The following MAP3K5 variants were observed in gnomAD, a reference collection of about 807,000 sequenced individuals.
MAP3K5 encodes the protein ASK-1.
Under a neutral mutation model 158.7 loss-of-function variants are expected in MAP3K5, and 56 were observed. The observed-to-expected ratio is 0.35, with a 90% confidence interval of 0.28 to 0.44. The LOEUF (loss-of-function observed/expected upper bound fraction) is 0.44, where lower values mean the gene tolerates loss of function less well. Among genes scored for constraint, MAP3K5 ranks in the 20% least tolerant of loss-of-function variants. The probability of loss-of-function intolerance (pLI) is 1.00; values close to 1 mark genes in which losing one functional copy is unlikely to be tolerated. For missense variants in MAP3K5, 1,294 were observed against 1,674.8 expected, an observed-to-expected ratio of 0.77 and a Z score of 3.97; for synonymous variants, 579 against 601.7, an observed-to-expected ratio of 0.96 and a Z score of 0.55.
At chr6:136,634,416 C>A (rs1433644142) in intron 14 of MAP3K5, among the ~76,000 whole-genome samples, 2 of 152,014 alleles carry the variant, frequency 1.3e-5, no homozygotes, top group Non-Finnish European at 2.9e-5. Flanking sequence ...CTAGCTGGCA[C>A]AATGGCAAAC....
chr6:136,737,035 G>GTATATATATATATATATATATATATA (rs1452375249), intron 1 of MAP3K5, among the ~76,000 whole-genome samples: 20 of 118,718 alleles, frequency 1.7e-4, no homozygotes, highest in African/African-American at 6.9e-4. Context: ...ATATATGTGT[G>GTATATATATATATATATATATATATA]TGTATATATA....
At chr6:136,738,497 G>C (rs1562660582) in intron 1 of MAP3K5, among the ~76,000 whole-genome samples, 1 of 152,204 alleles carries the variant, frequency 6.6e-6, no homozygotes, top group South Asian at 2.1e-4. Context: ...TGTGGAAAAG[G>C]CTTCTGAATA....
chr6:136,588,402 G>C (rs1775232095), intron 23 of MAP3K5, among the ~76,000 whole-genome samples: 1 of 152,182 alleles, frequency 6.6e-6, no homozygotes, highest in Admixed American at 6.5e-5. Flanking sequence ...TATTGGTATA[G>C]TATTACTGTC....
At chr6:136,726,414 G>T (rs539350861) in intron 1 of MAP3K5, among the ~76,000 whole-genome samples, 13 of 152,294 alleles carry the variant, frequency 8.5e-5, no homozygotes, top group African/African-American at 3.1e-4. Context: ...CCAACATGGT[G>T]AAACCCTGTC....
chr6:136,586,869 C>G (rs912669234), intron 23 of MAP3K5, among the ~76,000 whole-genome samples: 5 of 152,180 alleles, frequency 3.3e-5, no homozygotes, highest in African/African-American at 1.2e-4. Flanking sequence ...CTACATCTTT[C>G]TCTTGTGCTA....
At chr6:136,594,300 A>AT (rs1447458155) in intron 21 of MAP3K5, among the ~76,000 whole-genome samples, 1 of 152,146 alleles carries the variant, frequency 6.6e-6, no homozygotes, top group Non-Finnish European at 1.5e-5. Context: ...GGTAATAGTA[A>AT]GGTTGTCTGA....
intron 1 of MAP3K5, among the ~76,000 whole-genome samples, chr6:136,772,735 T>A (rs1784258593): frequency 6.6e-6 from 1 of 152,220 alleles, no homozygotes; most frequent in African/African-American, 2.4e-5. Context: ...ATCTCATTTT[T>A]AAAAATGAAT....
At chr6:136,792,488 G>C, upstream of MAP3K5, 1 of 658,396 alleles carries the variant, frequency 1.5e-6, no homozygotes, top group Non-Finnish European at 1.9e-6. The surrounding 1 kb of genome is among the most constrained non-coding windows in gnomAD (Gnocchi z 5.7). Context: ...GCAAACCTGC[G>C]CCGCGGTGCA....
At chr6:136,650,582 A>G (rs991089903) in intron 11 of MAP3K5, among the ~76,000 whole-genome samples, 1 of 152,216 alleles carries the variant, frequency 6.6e-6, no homozygotes. Context: ...TGATAACTAT[A>G]ATGGTACCAG....
chr6:136,719,188 A>C (rs763705091), intron 2 of MAP3K5, among the ~76,000 whole-genome samples: 20 of 152,180 alleles, frequency 1.3e-4, no homozygotes, highest in South Asian at 4.1e-4. Context: ...TAAATAAATA[A>C]ATACATACAT....
At chr6:136,726,997 G>T (rs747846823) in intron 1 of MAP3K5, among the ~76,000 whole-genome samples, 2 of 151,796 alleles carry the variant, frequency 1.3e-5, no homozygotes, top group South Asian at 2.1e-4. Context: ...TGTTATACTC[G>T]CTAGGACTTC....
Position 136,574,683 on chromosome 6 carries a change from C to CTTTT in MAP3K5, c.3517+5614_3517+5617dup, listed in dbSNP as rs1223054758. 6.3e-3 allele frequency among the ~76,000 whole-genome samples: 683 copies of CTTTT among 108,518 alleles called. 13 individuals carry two copies. Among genetic ancestry groups the CTTTT allele is most frequent in the African/African-American group, 9.5e-3 (258 of 27,064 alleles). The allele number at this position is 108,518 out of a possible 152,430, so 71.2% of individuals were successfully genotyped here. A position where few individuals can be genotyped will look rare whatever the true frequency, so the allele number is the denominator to read the frequency against. On this transcript the variant is annotated intron_variant, in intron 25 of 29. Coordinates refer to ENST00000359015, the MANE Select transcript of MAP3K5 (RefSeq NM_005923.4). ...CTCCTTTTGGAAAAAAGATTAAACACTTTTTTTTTTTTTTTTTTTTTTTGA... is the reference window on the plus strand; with the variant it reads ...CTCCTTTTGGAAAAAAGATTAAACACTTTTTTTTTTTTTTTTTTTTTTTTTTTGA...
At chr6:136,722,674 CTTTTTTT>C (rs372343492) in intron 1 of MAP3K5, among the ~76,000 whole-genome samples, 1 of 115,564 alleles carries the variant, frequency 8.7e-6, no homozygotes, top group Non-Finnish European at 1.7e-5. Flanking sequence ...TTTTTTTTTC[CTTTTTTT>C]TTTTTTTTTT....
intron 15 of MAP3K5, among the ~76,000 whole-genome samples, chr6:136,616,856 G>C (rs1776588290): frequency 6.6e-6 from 1 of 151,878 alleles, no homozygotes; most frequent in Non-Finnish European, 1.5e-5. Context: ...AGCCTCCCGA[G>C]TAGCTGTGAC....
At chr6:136,666,017 T>C (rs1221468903) in intron 8 of MAP3K5, among the ~76,000 whole-genome samples, 1 of 152,212 alleles carries the variant, frequency 6.6e-6, no homozygotes, top group East Asian at 1.9e-4. Context: ...TGTCTCACAA[T>C]TGGAAAATTC....
intron 6 of MAP3K5, among the ~76,000 whole-genome samples, chr6:136,695,411 T>C (rs544455895): frequency 2.6e-5 from 4 of 152,318 alleles, no homozygotes; most frequent in Admixed American, 6.5e-5. Flanking sequence ...AGTGCTAGGA[T>C]TGCAGGAGTG....
intron 1 of MAP3K5, among the ~76,000 whole-genome samples, chr6:136,729,694 G>A (rs1309396063): frequency 6.6e-6 from 1 of 152,234 alleles, no homozygotes; most frequent in Non-Finnish European, 1.5e-5. Context: ...TGTCCATGAG[G>A]TTTGAGAAGA....
intron 1 of MAP3K5, among the ~76,000 whole-genome samples, chr6:136,775,135 A>T (rs984323173): frequency 7.9e-5 from 12 of 152,218 alleles, no homozygotes; most frequent in African/African-American, 2.9e-4. Flanking sequence ...AAAAATTCAG[A>T]TCTTAGAGAA....
In MAP3K5 at chr6:136,611,323, T is replaced by G. The variant is rs771621192; in HGVS notation, c.2480A>C (p.Lys827Thr). 2 of 1,613,626 alleles carry G rather than the reference T, an allele frequency of 1.2e-6. No homozygotes were observed. Among genetic ancestry groups the G allele is most frequent in the Admixed American group, 3.3e-5 (2 of 60,008 alleles). The change falls in exon 18 of 30, where the codon AAG becomes ACG. Residue 827 changes from lysine to threonine, a missense_variant. Coordinates refer to ENST00000359015, the MANE Select transcript of MAP3K5 (RefSeq NM_005923.4). ...VLKISDFGTSKRLAGINPCTE... is the reference protein window; with the variant it reads ...VLKISDFGTSTRLAGINPCTE... ...ACAGGGGTTTATGCCAGCAAGCCTC[T>G]TTGATGTTCCGAAGTCAGAGATCTT...
Sources: allele counts gnomAD v4.1 joint callset (sites outside exome capture counted in the v4.1 genomes callset), GRCh38; gene constraint gnomAD v4.1.1; non-coding constraint Gnocchi (gnomAD v3.1); transcripts MANE v1.5; gene names NCBI Gene and HGNC (gene_info 2026-07-23, HGNC 2026-07-21).